The following NEGR1 variants were observed in gnomAD, a reference collection of about 807,000 sequenced individuals.
NEGR1 encodes neuronal growth regulator 1.
NEGR1 carries 10 observed loss-of-function variants against 40.9 expected under a neutral mutation model. That is an observed-to-expected ratio of 0.24 (90% confidence interval 0.15 to 0.42). The LOEUF is 0.42. Among genes scored for constraint, NEGR1 ranks in the 10% least tolerant of loss-of-function variants. The pLI, the probability that NEGR1 is intolerant of heterozygous loss-of-function variation, is 1.00. For synonymous variants in NEGR1, 185 were observed against 166.8 expected (o/e 1.11, Z -0.84); for missense variants, 352 against 438.9 (o/e 0.80, Z 1.77).
rs564267338 is a variant in NEGR1 at position 71,962,699 on chromosome 1, C to T, written c.177-27388G>A. Among the ~76,000 whole-genome samples the T allele has an allele frequency of 4.0e-5, 6 of 151,682 alleles. No individual in the cohort carries two copies. The South Asian group carries it at 8.3e-4, about 21-fold the overall frequency. ...ATTTAGAAGAATAAAAAATGTCTCA[C>T]GTTAACTTCTCTCAAAAAATACACT... On this transcript the variant is annotated intron_variant, in intron 1 of 6. Coordinates refer to ENST00000357731, the MANE Select transcript of NEGR1 (RefSeq NM_173808.3).
chr1:72,121,774 C>A (rs999786589), intron 1 of NEGR1, among the ~76,000 whole-genome samples: 1 of 151,892 alleles, frequency 6.6e-6, no homozygotes, highest in Non-Finnish European at 1.5e-5. Flanking sequence ...TAAATAGAGT[C>A]GATATACATA....
chr1:71,802,345 G>A (rs1340100367), intron 2 of NEGR1, among the ~76,000 whole-genome samples: 1 of 152,168 alleles, frequency 6.6e-6, no homozygotes, highest in Non-Finnish European at 1.5e-5. Context: ...GATTGCCCAT[G>A]GATTTAATCA....
chr1:71,706,130 C>G (rs1653889037), intron 3 of NEGR1, among the ~76,000 whole-genome samples: 1 of 152,244 alleles, frequency 6.6e-6, no homozygotes, highest in African/African-American at 2.4e-5. Context: ...TTCCCCAAGT[C>G]TCCGGATGCA....
At chr1:71,725,973 T>G (rs1010286566) in intron 3 of NEGR1, among the ~76,000 whole-genome samples, 1 of 152,130 alleles carries the variant, frequency 6.6e-6, no homozygotes, top group African/African-American at 2.4e-5. Context: ...TTAACAAAAA[T>G]GCCATCCTCA....
Position 71,407,380 on chromosome 1 carries a change from AC to A in NEGR1, c.*65del. The A allele has an allele frequency of 6.6e-7, 1 of 1,510,166 alleles. No homozygotes were observed. The highest frequency in any genetic ancestry group is 9.1e-7 in the Non-Finnish European group (1 of 1,095,840). The allele number at this position is 1,510,166 out of a possible 1,614,324, so 93.5% of individuals were successfully genotyped here. On this transcript the variant is annotated 3_prime_UTR_variant, in exon 7 of 7. Transcript: ENST00000357731. ...TCCCACGCTGCTTTTAACAAACTGT[AC>A]CAGATTGGATCCAGCCATCAGCACT...
chr1:72,180,624 A>T (rs1003193483), intron 1 of NEGR1, among the ~76,000 whole-genome samples: 1 of 152,144 alleles, frequency 6.6e-6, no homozygotes, highest in Non-Finnish European at 1.5e-5. Context: ...TAGTGAAAAA[A>T]ATCACCCAAT....
At chr1:71,472,968 A>G (rs545241408) in intron 6 of NEGR1, among the ~76,000 whole-genome samples, 40 of 152,232 alleles carry the variant, frequency 2.6e-4, no homozygotes, top group African/African-American at 8.4e-4. Flanking sequence ...AAAAAAGTGA[A>G]CCATGAGAGA....
At position 72,112,909 on chromosome 1, in the gene NEGR1, TA is replaced by T. The variant is rs1453812279; in HGVS notation, c.176+169409del. ...CCGACTTTTTTCAAGCATTGCTTTTTATTTTTCCTTCCCCTCAAATTCCTCC... is the reference window on the plus strand; with the variant it reads ...CCGACTTTTTTCAAGCATTGCTTTTTTTTTTCCTTCCCCTCAAATTCCTCC... On this transcript the variant is annotated intron_variant, in intron 1 of 6. Transcript: ENST00000357731. Among the ~76,000 whole-genome samples the T allele has an allele frequency of 2.0e-5, 3 of 151,756 alleles. No individual in the cohort carries two copies. In the South Asian group the frequency reaches 6.2e-4, roughly 31 times the overall value.
intron 3 of NEGR1, among the ~76,000 whole-genome samples, chr1:71,740,088 C>T (rs1459791): frequency 1.3e-5 from 2 of 151,914 alleles, no homozygotes; most frequent in South Asian, 2.1e-4. Flanking sequence ...ATTTCATCTG[C>T]GACTTCCCTG....
chr1:71,696,194 C>G (rs1653468938), intron 4 of NEGR1, among the ~76,000 whole-genome samples: 1 of 151,774 alleles, frequency 6.6e-6, no homozygotes, highest in Non-Finnish European at 1.5e-5. Flanking sequence ...GTTCCCTACT[C>G]AAGTTTCTGC....
chr1:71,918,782 T>C (rs2768376), intron 2 of NEGR1, among the ~76,000 whole-genome samples: 87,386 of 151,926 alleles, frequency 0.58, 27,242 homozygotes, highest in African/African-American at 0.81. Flanking sequence ...GGCCCCAATT[T>C]GCTAATATAC....
chr1:71,581,120 T>C (rs1649121108), intron 6 of NEGR1, among the ~76,000 whole-genome samples: 1 of 152,154 alleles, frequency 6.6e-6, no homozygotes, highest in African/African-American at 2.4e-5. Context: ...CATCCCTGTG[T>C]CTGTATTGTA....
intron 4 of NEGR1, among the ~76,000 whole-genome samples, chr1:71,664,744 C>T (rs1173965887): frequency 6.6e-6 from 1 of 151,980 alleles, no homozygotes; most frequent in African/African-American, 2.4e-5. Context: ...AAATATATAT[C>T]TCTTTGGTAA....
chr1:71,795,593 T>A (rs1423685362), intron 2 of NEGR1, among the ~76,000 whole-genome samples: 1 of 152,066 alleles, frequency 6.6e-6, no homozygotes, highest in Non-Finnish European at 1.5e-5. Flanking sequence ...ACATGAAAGA[T>A]TATACAGTTT....
chr1:72,059,822 A>C (rs1320443441), intron 1 of NEGR1, among the ~76,000 whole-genome samples: 1 of 151,694 alleles, frequency 6.6e-6, no homozygotes, highest in African/African-American at 2.4e-5. Flanking sequence ...TACATTATGC[A>C]TGTTAAATCT....
rs558088701 is a variant in NEGR1 at position 71,657,686 on chromosome 1, C to T, written c.667+40322G>A. Among the ~76,000 whole-genome samples, 6 of 152,294 alleles carry T rather than the reference C, an allele frequency of 3.9e-5. No homozygotes were observed. In the South Asian group the frequency reaches 1.2e-3, roughly 32 times the overall value. ...ACTTACAAAGAGCAGGCTGGGGACG[C>T]TAGCCATGAACTTTACATATGCCAG... is the stretch of plus-strand genomic sequence containing the variant. On this transcript the variant is annotated intron_variant, in intron 4 of 6. Coordinates refer to ENST00000357731, the MANE Select transcript of NEGR1 (RefSeq NM_173808.3).
At chr1:71,920,812 T>C (rs998368082) in intron 2 of NEGR1, among the ~76,000 whole-genome samples, 1 of 152,156 alleles carries the variant, frequency 6.6e-6, no homozygotes. Context: ...AGAATACTTC[T>C]AGACAGCTCA....
chr1:72,086,605 T>TGAG (rs1648230616), intron 1 of NEGR1, among the ~76,000 whole-genome samples: 1 of 152,198 alleles, frequency 6.6e-6, no homozygotes, highest in East Asian at 1.9e-4. Context: ...TGTGCTGCAA[T>TGAG]TTTTGTTTTG....
intron 4 of NEGR1, among the ~76,000 whole-genome samples, chr1:71,667,139 T>C (rs1249190345): frequency 6.6e-6 from 1 of 152,152 alleles, no homozygotes; most frequent in Non-Finnish European, 1.5e-5. Context: ...ACAGAACAGG[T>C]GAGTAAACAG....
Sources: gnomAD v4.1 joint callset for allele counts (sites outside exome capture counted in the v4.1 genomes callset) on GRCh38, gnomAD v4.1.1 for gene constraint, MANE v1.5 for transcripts, NCBI Gene and HGNC (gene_info 2026-07-23, HGNC 2026-07-21) for gene names.